Variants in FAT3 observed in about 807,000 individuals in gnomAD.
The protein encoded by FAT3 is FAT atypical cadherin 3, also known as protocadherin Fat 3.
Under a neutral mutation model 310.2 loss-of-function variants are expected in FAT3, and 95 were observed. The ratio of observed to expected loss-of-function variants is 0.31; its 90% CI spans 0.26 to 0.36. FAT3 has a LOEUF of 0.36. Ranked by LOEUF, FAT3 falls within the 10% of genes least tolerant of loss-of-function variation. FAT3 has a pLI of 1.00. For missense variants in FAT3, 5,408 were observed against 5,715.6 expected (o/e 0.95, Z 1.74); for synonymous variants, 2,314 against 2,192.9 (o/e 1.06, Z -1.54).
intron 1 of FAT3, among the ~76,000 whole-genome samples, chr11:92,327,765 A>T (rs935144497): frequency 6.6e-6 from 1 of 152,212 alleles, no homozygotes; most frequent in African/African-American, 2.4e-5. Context: ...TGAGGAAGTC[A>T]CTTAACCCAA....
intron 3 of FAT3, among the ~76,000 whole-genome samples, chr11:92,663,190 G>A (rs1456591050): frequency 1.3e-5 from 2 of 152,180 alleles, no homozygotes; most frequent in Non-Finnish European, 2.9e-5. Flanking sequence ...AGTGAGTCTG[G>A]GTAGAAAGGG....
chr11:92,449,294 G>A (rs1951293969), intron 2 of FAT3, among the ~76,000 whole-genome samples: 1 of 152,168 alleles, frequency 6.6e-6, no homozygotes, highest in Non-Finnish European at 1.5e-5. Flanking sequence ...ATGAGCATGT[G>A]ATGGCTGAAT....
chr11:92,732,233 A>G (rs1479731019), intron 4 of FAT3, among the ~76,000 whole-genome samples: 1 of 152,250 alleles, frequency 6.6e-6, no homozygotes, highest in Non-Finnish European at 1.5e-5. Context: ...ATTATAATAC[A>G]GAGAGTGACT....
At chr11:92,704,903 G>A (rs1944222889) in intron 4 of FAT3, among the ~76,000 whole-genome samples, 1 of 152,134 alleles carries the variant, frequency 6.6e-6, no homozygotes, top group Admixed American at 6.5e-5. Context: ...AGGGACTGCA[G>A]CAACTACAAT....
In FAT3 at chr11:92,278,613, C is replaced by T. The variant is rs1946340653; in HGVS notation, c.-18+53439C>T. Among the ~76,000 whole-genome samples, 3 of 151,834 alleles carry T rather than the reference C, an allele frequency of 2.0e-5. No individual in the cohort carries two copies. The South Asian group carries it at 6.3e-4, about 32-fold the overall frequency. On this transcript the variant is annotated intron_variant, in intron 1 of 27. Coordinates refer to ENST00000525166, the MANE Select transcript of FAT3 (RefSeq NM_001367949.2). Reference sequence around the variant, plus strand: ...TATTTTTATGAAGTTTATGTGTCTACATATATATATACACACACGTAATTT... The same window carrying T: ...TATTTTTATGAAGTTTATGTGTCTATATATATATATACACACACGTAATTT...
At chr11:92,670,429 G>A in intron 3 of FAT3, among the ~76,000 whole-genome samples, 1 of 152,164 alleles carries the variant, frequency 6.6e-6, no homozygotes, top group Non-Finnish European at 1.5e-5. Flanking sequence ...ATCTGCAACT[G>A]CGTTACATGT....
intron 2 of FAT3, among the ~76,000 whole-genome samples, chr11:92,409,940 G>A (rs1276221292): frequency 6.6e-6 from 1 of 152,122 alleles, no homozygotes; most frequent in Non-Finnish European, 1.5e-5. Flanking sequence ...CTACTAAAGT[G>A]TCCTGATGTG....
intron 1 of FAT3, among the ~76,000 whole-genome samples, chr11:92,302,441 A>G (rs376925072): frequency 6.6e-6 from 1 of 151,924 alleles, no homozygotes; most frequent in East Asian, 1.9e-4. Flanking sequence ...TAAGCTTGCC[A>G]TTCAAAAGGT....
At position 92,797,894 on chromosome 11, in the gene FAT3, A is replaced by G; in HGVS notation, c.4881A>G (p.Lys1627=). Residue 1627 remains lysine, a synonymous_variant, in exon 10 of 28, where the codon AAA becomes AAG. Transcript: ENST00000525166. ...EPVLGIITIC[K]EPDMTTMGQF... ...TCCTAGGCATCATCACCATTTGCAAAGAACCAGACATGACGACGATGGGTC... is the reference window on the plus strand; with the variant it reads ...TCCTAGGCATCATCACCATTTGCAAGGAACCAGACATGACGACGATGGGTC... 6.2e-7 allele frequency: 1 copy of G among 1,613,944 alleles called. No homozygotes were observed. The highest frequency in any genetic ancestry group is 8.5e-7 in the Non-Finnish European group (1 of 1,179,832).
At chr11:92,600,998 C>G (rs1939989996) in intron 3 of FAT3, among the ~76,000 whole-genome samples, 2 of 152,156 alleles carry the variant, frequency 1.3e-5, no homozygotes, top group East Asian at 3.9e-4. Context: ...ACTTACGGAC[C>G]AGAGCAAAGG....
intron 4 of FAT3, among the ~76,000 whole-genome samples, chr11:92,719,712 A>G (rs1944804179): frequency 6.8e-6 from 1 of 146,758 alleles, no homozygotes; most frequent in African/African-American, 2.6e-5. Context: ...GATACAGGAG[A>G]ACCAACTCTG....
intron 3 of FAT3, among the ~76,000 whole-genome samples, chr11:92,650,188 G>A (rs1372357739): frequency 6.6e-6 from 1 of 151,890 alleles, no homozygotes; most frequent in Non-Finnish European, 1.5e-5. Context: ...TTCCTTCCAG[G>A]AACCAGAGAG....
intron 1 of FAT3, among the ~76,000 whole-genome samples, chr11:92,265,823 A>G (rs1360565021): frequency 6.6e-6 from 1 of 152,070 alleles, no homozygotes; most frequent in Non-Finnish European, 1.5e-5. Context: ...CTCTACCCTC[A>G]TGATTTAATC....
At chr11:92,378,348 C>CT (rs1949403825) in intron 2 of FAT3, among the ~76,000 whole-genome samples, 1 of 152,132 alleles carries the variant, frequency 6.6e-6, no homozygotes, top group Non-Finnish European at 1.5e-5. Context: ...ATCCAGGAGA[C>CT]TTTATCATCG....
intron 2 of FAT3, among the ~76,000 whole-genome samples, chr11:92,424,600 C>T (rs898975807): frequency 6.6e-6 from 1 of 152,094 alleles, no homozygotes; most frequent in Non-Finnish European, 1.5e-5. Context: ...AATAGAGTGG[C>T]TGCTATATCC....
At position 92,554,278 on chromosome 11, in the gene FAT3, C is replaced by T. The variant is rs192297470; in HGVS notation, c.3607+29330C>T. ...GAGATCCACACCATCCTGGCTAACACGGTGAAACCCTGTCTCTACTAAAAA... is the reference window on the plus strand; with the variant it reads ...GAGATCCACACCATCCTGGCTAACATGGTGAAACCCTGTCTCTACTAAAAA... On this transcript the variant is annotated intron_variant, in intron 3 of 27. Coordinates refer to ENST00000525166, the MANE Select transcript of FAT3 (RefSeq NM_001367949.2). 5.5e-3 allele frequency among the ~76,000 whole-genome samples: 835 copies of T among 151,552 alleles called. 4 individuals are homozygous for T. The highest frequency in any genetic ancestry group is 0.019 in the African/African-American group (789 of 41,334).
chr11:92,568,216 C>A (rs1367074145), intron 3 of FAT3, among the ~76,000 whole-genome samples: 1 of 152,068 alleles, frequency 6.6e-6, no homozygotes, highest in Non-Finnish European at 1.5e-5. Context: ...TGGAGGCAAT[C>A]ACAATGCATT....
rs753130799 is a variant in FAT3 at position 92,880,829 on chromosome 11, G to C, written c.12226G>C (p.Asp4076His). 3.1e-6 allele frequency: 5 copies of C among 1,613,934 alleles called. No homozygotes were observed. The highest frequency in any genetic ancestry group is 2.2e-5 in the East Asian group (1 of 44,874). Residue 4076 changes from aspartate to histidine, a missense_variant, in exon 23 of 28, where the codon GAT becomes CAT. Physicochemically the swap from Asp to His is moderately conservative, Grantham distance 81 (BLOSUM62 -1). Around this residue, in one of 5 missense-constraint regions of FAT3, gnomAD observed 649 missense variants for 666.2 expected, o/e 0.97. Transcript: ENST00000525166. ...PNPCRNGGSC[D>H]PIGNTFICNC... ...CCCCTGCCGGAATGGAGGATCCTGC[G>C]ATCCAATAGGAAACACTTTCATCTG...
chr11:92,625,357 G>C (rs1941281156), intron 3 of FAT3, among the ~76,000 whole-genome samples: 1 of 152,154 alleles, frequency 6.6e-6, no homozygotes, highest in Non-Finnish European at 1.5e-5. Context: ...ACCATGGGCT[G>C]TCCATCTTAT....
Sources: gnomAD v4.1 joint callset for allele counts (sites outside exome capture counted in the v4.1 genomes callset) on GRCh38, gnomAD v4.1.1 for gene constraint, gnomAD v4.1.1 regional missense constraint, MANE v1.5 for transcripts, NCBI Gene and HGNC (gene_info 2026-07-23, HGNC 2026-07-21) for gene names.